Variants in MNS1 observed in about 807,000 individuals in gnomAD.
MNS1 encodes the protein meiosis-specific nuclear structural protein 1.
MNS1 carries 63 observed loss-of-function variants against 72.0 expected under a neutral mutation model. The observed-to-expected ratio is 0.87, with a 90% confidence interval of 0.71 to 1.08. The LOEUF (loss-of-function observed/expected upper bound fraction) is 1.08, where lower values mean the gene tolerates loss of function less well. MNS1 is among the 50% of genes least tolerant of loss of function. The probability of loss-of-function intolerance (pLI) is 0.00; values close to 1 mark genes in which losing one functional copy is unlikely to be tolerated. For missense variants in MNS1, 604 were observed against 562.4 expected, an observed-to-expected ratio of 1.07 and a Z score of -0.75; for synonymous variants, 188 against 172.1, an observed-to-expected ratio of 1.09 and a Z score of -0.72.
intron 3 of MNS1, chr15:56,447,672 T>A (rs1229149387): frequency 1.3e-5 from 2 of 152,196 alleles, no homozygotes; most frequent in Admixed American, 6.5e-5. Context: ...TCTACAATAT[T>A]CAATAAACTG....
chr15:56,463,626 T>TA (rs2051036942), intron 2 of MNS1, among the ~76,000 whole-genome samples: 1 of 151,710 alleles, frequency 6.6e-6, no homozygotes, highest in African/African-American at 2.4e-5. Context: ...TACTAAAAAT[T>TA]AAAAAATTAG....
At position 56,443,834 on chromosome 15, in the gene MNS1, T is replaced by TCTGGCC; in HGVS notation, c.706_707insGGCCAG (p.Leu235_Glu236insGlyPro). The TCTGGCC allele has an allele frequency of 6.2e-7, 1 of 1,602,430 alleles. No homozygotes were observed. Among genetic ancestry groups the TCTGGCC allele is most frequent in the African/African-American group, 1.3e-5 (1 of 74,504 alleles). Reference sequence around the variant, plus strand: ...ATACCTTCGCATTGCATTCATTTTTTCTAACTTTTGTTGTTTTTCCCTGAA... The same window carrying TCTGGCC: ...ATACCTTCGCATTGCATTCATTTTTTCTGGCCCTAACTTTTGTTGTTTTTCCCTGAA... On this transcript the variant is annotated inframe_insertion, in exon 6 of 10. Coordinates refer to ENST00000260453, the MANE Select transcript of MNS1 (RefSeq NM_018365.4).
chr15:56,431,602 A>G, intron 8 of MNS1, 104 bp from the exon 9 acceptor site: 1 of 1,067,712 alleles, frequency 9.4e-7, no homozygotes, highest in Non-Finnish European at 1.4e-6. Context: ...TTGATGAACT[A>G]TTTATGACAC....
At chr15:56,453,574 T>C (rs2050961912) in intron 3 of MNS1, among the ~76,000 whole-genome samples, 1 of 151,974 alleles carries the variant, frequency 6.6e-6, no homozygotes, top group Admixed American at 6.5e-5. Context: ...AAATGAGATA[T>C]GAGGTACTTG....
chr15:56,444,667 C>A lies in MNS1; in HGVS notation c.463G>T (p.Asp155Tyr). ...ATCATGGTTTTGGCTATTTCAGCAT[C>A]ACGTTTCTGTTATTAAAACAAAATT... ...DAIKYEQMKR[D>Y]AEIAKTMMEE... is the part of the protein sequence containing the mutation. Residue 155 changes from aspartate to tyrosine, a missense_variant, in exon 5 of 10, where the codon GAT (aspartate) becomes TAT (tyrosine). Transcript: ENST00000260453. The A allele has an allele frequency of 6.2e-7, 1 of 1,610,390 alleles. No homozygotes were observed. Among genetic ancestry groups the A allele is most frequent in the East Asian group, 2.2e-5 (1 of 44,786 alleles).
intron 2 of MNS1, among the ~76,000 whole-genome samples, chr15:56,461,660 C>CAAAA (rs11294380): frequency 5.1e-4 from 29 of 57,044 alleles, no homozygotes; most frequent in Non-Finnish European, 7.4e-4. Flanking sequence ...GACTCTGTCT[C>CAAAA]AAAAAAAAAA....
intron 7 of MNS1, among the ~76,000 whole-genome samples, chr15:56,439,592 G>A (rs189453134): frequency 6.6e-6 from 1 of 152,078 alleles, no homozygotes; most frequent in East Asian, 1.9e-4. Context: ...TTTTAAGAAA[G>A]GTGCAAAAGC....
rs191853981 is a variant in MNS1, at chr15:56,454,767, A to G, written c.353+1627T>C. Among the ~76,000 whole-genome samples, 192 of 152,232 alleles carry G rather than the reference A, an allele frequency of 1.3e-3. 1 individual carries two copies. Among genetic ancestry groups the G allele is most frequent in the Middle Eastern group, 6.8e-3 (2 of 294 alleles). On this transcript the variant is annotated intron_variant, in intron 3 of 9. Coordinates refer to ENST00000260453, the MANE Select transcript of MNS1 (RefSeq NM_018365.4). Reference sequence around the variant, plus strand: ...AATACATCTGCTAGAACTTTGTACCATAGCCCGTATCTCTTTTAAATTCTC... The same window carrying G: ...AATACATCTGCTAGAACTTTGTACCGTAGCCCGTATCTCTTTTAAATTCTC...
intron 9 of MNS1, among the ~76,000 whole-genome samples, chr15:56,430,587 TTAAC>T: frequency 6.6e-6 from 1 of 152,300 alleles, no homozygotes; most frequent in East Asian, 1.9e-4. Flanking sequence ...AAAATCAAGT[TTAAC>T]TAGTTATAAC....
At chr15:56,437,340 T>C (rs1465351065) in intron 7 of MNS1, among the ~76,000 whole-genome samples, 1 of 152,086 alleles carries the variant, frequency 6.6e-6, no homozygotes, top group East Asian at 1.9e-4. Context: ...TAATCCAGCA[T>C]ATAAACAGAA....
chr15:56,456,323 C>A, intron 3 of MNS1, 71 bp downstream of exon 3: 1 of 1,389,716 alleles, frequency 7.2e-7, no homozygotes, highest in Non-Finnish European at 9.6e-7. Context: ...ATTTCACTTT[C>A]AGGTGCTAAG....
At chr15:56,447,978 TACTC>T (rs1376280993) in intron 3 of MNS1, among the ~76,000 whole-genome samples, 2 of 152,252 alleles carry the variant, frequency 1.3e-5, no homozygotes, top group South Asian at 4.1e-4. Context: ...AGTAATTGCT[TACTC>T]CTTTTTATTG....
chr15:56,429,161 C>CAGATCAATATCATCCTCTT lies in MNS1; in HGVS notation c.1409_1427dup (p.Leu477ArgfsTer3), dbSNP rs1463136596. ...ATACTTTCCTGAACTCTTCACCAAG[C>CAGATCAATATCATCCTCTT]AGATCAATATCATCCTCTTTTTTAA... is the stretch of plus-strand genomic sequence containing the variant. On this transcript the variant is annotated stop_gained and frameshift_variant, in exon 10 of 10. Coordinates refer to ENST00000260453, the MANE Select transcript of MNS1 (RefSeq NM_018365.4). LOFTEE classifies it high-confidence loss of function. 1.2e-6 allele frequency: 2 copies of CAGATCAATATCATCCTCTT among 1,601,450 alleles called. No homozygotes were observed. The highest frequency in any genetic ancestry group is 1.7e-6 in the Non-Finnish European group (2 of 1,174,996).
intron 3 of MNS1, among the ~76,000 whole-genome samples, chr15:56,456,099 G>T (rs2050979978): frequency 6.6e-6 from 1 of 151,986 alleles, no homozygotes; most frequent in South Asian, 2.1e-4. Flanking sequence ...ATTACCTAAG[G>T]TTTCTCTTAA....
At position 56,465,050 on chromosome 15, in the gene MNS1, C is replaced by T. The variant is rs1053174606; in HGVS notation, c.-78G>A. The T allele has an allele frequency of 6.4e-7, 1 of 1,573,966 alleles. No individual in the cohort carries two copies. Among genetic ancestry groups the T allele is most frequent in the African/African-American group, 1.4e-5 (1 of 72,774 alleles). Reference sequence around the variant, plus strand: ...CCGCAAACGCAGCAGCCAGCAGCCCCAAGGAGCGCACCTGGCTGCGCGCGC... The same window carrying T: ...CCGCAAACGCAGCAGCCAGCAGCCCTAAGGAGCGCACCTGGCTGCGCGCGC... On this transcript the variant is annotated 5_prime_UTR_variant, in exon 1 of 10. Transcript: ENST00000260453.
At chr15:56,455,702 C>G (rs1392099637) in intron 3 of MNS1, among the ~76,000 whole-genome samples, 4 of 152,124 alleles carry the variant, frequency 2.6e-5, no homozygotes, top group African/African-American at 7.2e-5. Context: ...GTCCTGTCAT[C>G]TGGAGTATCT....
In MNS1 at chr15:56,444,458, A is replaced by G; in HGVS notation, c.672T>C (p.Tyr224=). ...LMIDEIVRKI[Y]EEDQLEKQQK... ...GATAAACTTACAACTGATCTTCTTC[A>G]TAGATCTTCCTAACAATTTCATCAA... is the stretch of plus-strand genomic sequence containing the variant. Residue 224 remains tyrosine (Y), a synonymous_variant, in exon 5 of 10, where the codon TAT becomes TAC. Coordinates refer to ENST00000260453, the MANE Select transcript of MNS1 (RefSeq NM_018365.4). 1.9e-6 allele frequency: 3 copies of G among 1,606,468 alleles called. No homozygotes were observed. In the South Asian group the frequency reaches 3.4e-5, roughly 18 times the overall value.
intron 3 of MNS1, among the ~76,000 whole-genome samples, chr15:56,449,442 G>C (rs934163302): frequency 6.6e-6 from 1 of 152,092 alleles, no homozygotes; most frequent in African/African-American, 2.4e-5. Flanking sequence ...TGCATTCCTG[G>C]AATAAATTAA....
chr15:56,431,423 G>C lies in MNS1; in HGVS notation c.1345C>G (p.Leu449Val). Residue 449 changes from leucine (L) to valine (V), a missense_variant, in exon 9 of 10, where the codon CTA (leucine) becomes GTA (valine). Coordinates refer to ENST00000260453, the MANE Select transcript of MNS1 (RefSeq NM_018365.4). ...GTAGCATGCTCTTTAAGAAGTTTTA[G>C]CCTTTCTTCTTCAATAATTGCATTA... is the stretch of plus-strand genomic sequence containing the variant. Reference protein sequence around the residue: ...FINAIIEEERLKLLKEHATNL... With the variant: ...FINAIIEEERVKLLKEHATNL... 6.2e-7 allele frequency: 1 copy of C among 1,613,384 alleles called. No homozygotes were observed. Among genetic ancestry groups the C allele is most frequent in the Non-Finnish European group, 8.5e-7 (1 of 1,179,776 alleles).
Sources: gnomAD v4.1 joint callset for allele counts (sites outside exome capture counted in the v4.1 genomes callset) on GRCh38, gnomAD v4.1.1 for gene constraint, MANE v1.5 for transcripts, NCBI Gene and HGNC (gene_info 2026-07-23, HGNC 2026-07-21) for gene names.